The following CHMP3 variants were observed in gnomAD, a reference collection of about 807,000 sequenced individuals.
The protein encoded by CHMP3 is 25.1 protein.
A neutral mutation model predicts 27.4 loss-of-function variants in CHMP3; 8 were observed. The ratio of observed to expected loss-of-function variants is 0.29; its 90% CI spans 0.17 to 0.53. The LOEUF (loss-of-function observed/expected upper bound fraction) is 0.53, where lower values mean the gene tolerates loss of function less well. Among genes scored for constraint, CHMP3 ranks in the 20% least tolerant of loss-of-function variants. The pLI is 0.96. For synonymous variants in CHMP3, 86 were observed against 85.5 expected (o/e 1.01, Z -0.03); for missense variants, 208 against 271.5 (o/e 0.77, Z 1.64).
At chr2:86,533,691 G>A (rs1478369341) in intron 2 of CHMP3, among the ~76,000 whole-genome samples, 3 of 152,136 alleles carry the variant, frequency 2.0e-5, no homozygotes, top group African/African-American at 4.8e-5. Context: ...TTTTGATAGA[G>A]ACAGGGTTTC....
intron 3 of CHMP3, chr2:86,526,911 G>A (rs1470858137): frequency 6.6e-6 from 1 of 151,946 alleles, no homozygotes; most frequent in African/African-American, 2.4e-5. Flanking sequence ...GATGATAAAT[G>A]GAGCAAAAAG....
At chr2:86,542,028 G>A (rs894970995) in intron 2 of CHMP3, among the ~76,000 whole-genome samples, 1 of 151,990 alleles carries the variant, frequency 6.6e-6, no homozygotes, top group African/African-American at 2.4e-5. Context: ...TTTATAAGTA[G>A]CAAGAGGTTT....
At chr2:86,556,406 T>C (rs1677124338) in intron 1 of CHMP3, among the ~76,000 whole-genome samples, 1 of 152,218 alleles carries the variant, frequency 6.6e-6, no homozygotes, top group Non-Finnish European at 1.5e-5. Context: ...CATGCTAGAT[T>C]TCAAATGTCC....
At chr2:86,517,392 T>C (rs1558646463) in intron 3 of CHMP3, among the ~76,000 whole-genome samples, 1 of 151,510 alleles carries the variant, frequency 6.6e-6, no homozygotes, top group Non-Finnish European at 1.5e-5. Flanking sequence ...CAGTGAAACC[T>C]GGTCTCTACT....
At chr2:86,548,827 A>ATT (rs1676727636) in intron 1 of CHMP3, among the ~76,000 whole-genome samples, 1 of 94,510 alleles carries the variant, frequency 1.1e-5, no homozygotes, top group African/African-American at 4.1e-5. Context: ...GCAGAGGCGC[A>ATT]CCTCACTTCC....
intron 3 of CHMP3, chr2:86,515,305 AC>A (rs1246517979): frequency 6.6e-6 from 1 of 152,060 alleles, no homozygotes; most frequent in Admixed American, 6.6e-5. Flanking sequence ...GCCCAAGAGA[AC>A]ACTAGATTTC....
intron 1 of CHMP3, among the ~76,000 whole-genome samples, chr2:86,549,877 G>T (rs188882361): frequency 6.7e-6 from 1 of 148,404 alleles, no homozygotes; most frequent in Non-Finnish European, 1.5e-5. Flanking sequence ...GGGCAGAGGC[G>T]CTCCTCGCCT....
At chr2:86,555,567 T>C (rs552585407) in intron 1 of CHMP3, among the ~76,000 whole-genome samples, 181 of 151,992 alleles carry the variant, frequency 1.2e-3, no homozygotes, top group African/African-American at 4.2e-3. Flanking sequence ...GAAATCTGAG[T>C]ATCACTAAGC....
intron 5 of CHMP3, 45 bp downstream of exon 5, chr2:86,507,434 A>C (rs1674927504): frequency 5.7e-5 from 84 of 1,467,590 alleles, no homozygotes; most frequent in Non-Finnish European, 7.0e-5. Context: ...TGAAGGAAGA[A>C]TGGCCATAAA....
At chr2:86,510,756 A>C in intron 3 of CHMP3, 1 of 327,496 alleles carries the variant, frequency 3.1e-6, no homozygotes. Flanking sequence ...TAGGAAAGGA[A>C]GCCAGCTTGG....
At chr2:86,559,516 T>C (rs1677264299) in intron 1 of CHMP3, among the ~76,000 whole-genome samples, 1 of 152,246 alleles carries the variant, frequency 6.6e-6, no homozygotes, top group Non-Finnish European at 1.5e-5. Flanking sequence ...CCCTGCTTTA[T>C]TGGCACCTTC....
At position 86,560,476 on chromosome 2, in the gene CHMP3, G is replaced by A. The variant is rs377142907; in HGVS notation, c.45+2828C>T. On this transcript the variant is annotated intron_variant, in intron 1 of 5. Transcript: ENST00000263856. ...TCACAAGATCAGAAAACCGAACACCGCATGTTCTCACTCATAAGTGGGAAT... is the reference window on the plus strand; with the variant it reads ...TCACAAGATCAGAAAACCGAACACCACATGTTCTCACTCATAAGTGGGAAT... Among the ~76,000 whole-genome samples, 233 of 151,926 alleles carry A rather than the reference G, an allele frequency of 1.5e-3. 6 individuals are homozygous for A. In the South Asian group the frequency reaches 0.041, roughly 27 times the overall value.
chr2:86,530,056 G>A (rs1489717379), intron 2 of CHMP3, among the ~76,000 whole-genome samples: 4 of 151,846 alleles, frequency 2.6e-5, no homozygotes, highest in Non-Finnish European at 1.5e-5. Flanking sequence ...GTGCAATGGT[G>A]CAGTCTCAGC....
chr2:86,553,239 C>T (rs1676981441), intron 1 of CHMP3, among the ~76,000 whole-genome samples: 1 of 150,222 alleles, frequency 6.7e-6, no homozygotes, highest in Non-Finnish European at 1.5e-5. Context: ...AAGACATAGA[C>T]AAAACCATAA....
At chr2:86,548,667 T>C (rs1437613925) in intron 1 of CHMP3, among the ~76,000 whole-genome samples, 8 of 152,206 alleles carry the variant, frequency 5.3e-5, no homozygotes, top group Admixed American at 5.2e-4. Flanking sequence ...AAAACCGCCA[T>C]CGTCATCATG....
At chr2:86,524,478 T>C (rs1222597591) in intron 3 of CHMP3, among the ~76,000 whole-genome samples, 1 of 152,220 alleles carries the variant, frequency 6.6e-6, no homozygotes, top group African/African-American at 2.4e-5. Flanking sequence ...TATAAGCTTT[T>C]TGTCATTATT....
At chr2:86,511,801 G>A (rs1675117150) in intron 3 of CHMP3, 1 of 152,056 alleles carries the variant, frequency 6.6e-6, no homozygotes, top group Non-Finnish European at 1.5e-5. Flanking sequence ...AACATGGTAT[G>A]TGTTCAGTAA....
intron 3 of CHMP3, 76 bp downstream of exon 3, chr2:86,529,142 C>G: frequency 7.2e-7 from 1 of 1,382,614 alleles, no homozygotes; most frequent in Non-Finnish European, 9.4e-7. Flanking sequence ...TGAGTTTTTC[C>G]TATTCAAGGA....
chr2:86,539,756 T>C (rs1185423843), intron 2 of CHMP3, among the ~76,000 whole-genome samples: 1 of 152,082 alleles, frequency 6.6e-6, no homozygotes, highest in Non-Finnish European at 1.5e-5. Context: ...TTAAAAACAT[T>C]CTTAAGAGGA....
Sources: allele counts gnomAD v4.1 joint callset (sites outside exome capture counted in the v4.1 genomes callset), GRCh38; gene constraint gnomAD v4.1.1; transcripts MANE v1.5; gene names NCBI Gene and HGNC (gene_info 2026-07-23, HGNC 2026-07-21).